The following PTPDC1 variants were observed in gnomAD, a reference collection of about 807,000 sequenced individuals.
PTPDC1 encodes protein tyrosine phosphatase domain-containing protein 1.
PTPDC1 carries 53 observed loss-of-function variants against 75.3 expected under a neutral mutation model. The ratio of observed to expected loss-of-function variants is 0.70; its 90% CI spans 0.56 to 0.88. The LOEUF (loss-of-function observed/expected upper bound fraction) is 0.88, where lower values mean the gene tolerates loss of function less well. Ranked by LOEUF, PTPDC1 falls within the 40% of genes least tolerant of loss-of-function variation. The pLI, the probability that PTPDC1 is intolerant of heterozygous loss-of-function variation, is 0.00. For synonymous variants in PTPDC1, 349 were observed against 366.2 expected (o/e 0.95, Z 0.54); for missense variants, 925 against 998.6 (o/e 0.93, Z 0.99).
At chr9:94,075,358 T>C (rs975029084) in intron 2 of PTPDC1, among the ~76,000 whole-genome samples, 1 of 152,242 alleles carries the variant, frequency 6.6e-6, no homozygotes, top group African/African-American at 2.4e-5. Flanking sequence ...ATTCCACTTC[T>C]GCAGAGCAGG....
In PTPDC1 at chr9:94,097,960, CACAG is replaced by C; in HGVS notation, c.1399_1402del (p.Thr467CysfsTer17). On this transcript the variant is annotated frameshift_variant, in exon 6 of 9. Coordinates refer to ENST00000620992, the MANE Select transcript of PTPDC1 (RefSeq NM_001253829.2). LOFTEE classifies it high-confidence loss of function. ...AACCTCCTGGAGCAAGGGGAGACTC[CACAG>C]ACAGTGCCTGCCCAGATCTTGGTTG... 6.2e-7 allele frequency: 1 copy of C among 1,614,178 alleles called. No homozygotes were observed. Among genetic ancestry groups the C allele is most frequent in the South Asian group, 1.1e-5 (1 of 91,076 alleles).
chr9:94,098,891 G>A (rs1365145259), intron 6 of PTPDC1, among the ~76,000 whole-genome samples: 2 of 152,222 alleles, frequency 1.3e-5, no homozygotes, highest in African/African-American at 4.8e-5. Context: ...ACAGCAGACA[G>A]CATTCGAAAC....
intron 1 of PTPDC1, among the ~76,000 whole-genome samples, chr9:94,045,766 T>G (rs1364502306): frequency 1.3e-5 from 2 of 151,908 alleles, no homozygotes; most frequent in African/African-American, 4.8e-5. Flanking sequence ...ATGAGTAGGT[T>G]GCAAAAATTT....
At chr9:94,043,237 A>G (rs373385639) in intron 1 of PTPDC1, among the ~76,000 whole-genome samples, 43 of 152,198 alleles carry the variant, frequency 2.8e-4, no homozygotes, top group East Asian at 2.3e-3. Context: ...TGCCACTTTG[A>G]TATTGCTAGT....
chr9:94,054,430 G>A (rs1178193723), intron 1 of PTPDC1, among the ~76,000 whole-genome samples: 1 of 152,146 alleles, frequency 6.6e-6, no homozygotes, highest in African/African-American at 2.4e-5. Flanking sequence ...ATTAATAAAT[G>A]TGCCTAAGAT....
Position 94,094,620 on chromosome 9 carries a change from C to A in PTPDC1, c.617-697C>A, listed in dbSNP as rs1002827277. Among the ~76,000 whole-genome samples the A allele has an allele frequency of 1.1e-3, 171 of 152,298 alleles. 1 individual carries two copies. Among genetic ancestry groups the A allele is most frequent in the South Asian group, 0.01 (49 of 4,832 alleles). ...TGGGCTCCACCCAGTTCGAGCTTCC[C>A]GGCTGCTTTGTTTACCTAAGCAAGC... On this transcript the variant is annotated intron_variant, in intron 4 of 8. Coordinates refer to ENST00000620992, the MANE Select transcript of PTPDC1 (RefSeq NM_001253829.2).
chr9:94,072,869 T>C (rs1418933941), intron 2 of PTPDC1, among the ~76,000 whole-genome samples: 1 of 152,192 alleles, frequency 6.6e-6, no homozygotes, highest in Non-Finnish European at 1.5e-5. Context: ...TATAATAAAT[T>C]TCATTTGGTA....
At chr9:94,050,632 T>A (rs1825760011) in intron 1 of PTPDC1, among the ~76,000 whole-genome samples, 1 of 152,038 alleles carries the variant, frequency 6.6e-6, no homozygotes, top group Non-Finnish European at 1.5e-5. Context: ...TACTGGGGGG[T>A]GCCTCCCAGT....
intron 1 of PTPDC1, among the ~76,000 whole-genome samples, chr9:94,054,750 A>G (rs945630774): frequency 1.3e-5 from 2 of 152,370 alleles, no homozygotes; most frequent in Admixed American, 1.3e-4. Flanking sequence ...GCTACATGCC[A>G]CATAATTAAG....
rs1203107468 is a variant in PTPDC1 at position 94,097,498 on chromosome 9, A to G, written c.932A>G (p.Lys311Arg). 2 of 1,614,082 alleles carry G rather than the reference A, an allele frequency of 1.2e-6. No homozygotes were observed. The highest frequency in any genetic ancestry group is 1.7e-6 in the Non-Finnish European group (2 of 1,179,956). ...LRNIFSCCDP[K>R]AHAVTLPQYL... is the part of the protein sequence containing the mutation. ...AATATATTCTCTTGCTGTGATCCCA[A>G]AGCACATGCTGTCACCTTACCTCAA... The change falls in exon 6 of 9, where the codon AAA becomes AGA. Residue 311 changes from lysine to arginine, a missense_variant. Lys to Arg is a conservative substitution (Grantham distance 26). Transcript: ENST00000620992.
intron 2 of PTPDC1, among the ~76,000 whole-genome samples, chr9:94,071,818 A>G (rs1826519749): frequency 6.6e-6 from 1 of 152,216 alleles, no homozygotes. Context: ...AAATTTGTAA[A>G]TCAATTTGAG....
intron 1 of PTPDC1, among the ~76,000 whole-genome samples, chr9:94,059,020 A>G (rs1826045468): frequency 6.6e-6 from 1 of 152,192 alleles, no homozygotes; most frequent in African/African-American, 2.4e-5. Flanking sequence ...AGGAAAGTCT[A>G]TATAAGAAAC....
rs1267177749 is a variant in PTPDC1, at chr9:94,085,435, G to A, written c.416+13G>A. The A allele has an allele frequency of 6.2e-7, 1 of 1,613,744 alleles. No individual in the cohort carries two copies. Among genetic ancestry groups the A allele is most frequent in the Non-Finnish European group, 8.5e-7 (1 of 1,179,848 alleles). On this transcript the variant is annotated intron_variant, in intron 2 of 8. Coordinates refer to ENST00000620992, the MANE Select transcript of PTPDC1 (RefSeq NM_001253829.2). ...TTTACTCATCCTGGTGAGTGATCCTGTTGGTCTTTCATAGCTCTGTTGGAT... is the reference window on the plus strand; with the variant it reads ...TTTACTCATCCTGGTGAGTGATCCTATTGGTCTTTCATAGCTCTGTTGGAT...
chr9:94,093,817 G>A lies in PTPDC1; in HGVS notation c.617-1500G>A, dbSNP rs1268228358. Among the ~76,000 whole-genome samples the A allele has an allele frequency of 1.6e-3, 237 of 145,570 alleles. 1 individual carries two copies. Among genetic ancestry groups the A allele is most frequent in the African/African-American group, 5.6e-3 (218 of 38,890 alleles). On this transcript the variant is annotated intron_variant, in intron 4 of 8. Transcript: ENST00000620992. The stretch of plus-strand genomic sequence containing the variant: ...CTTTTTTCTCTAAACTTCCCTTCTC[G>A]CTTCATTTCATTCATTTCATCTTCC...
At chr9:94,044,267 A>G (rs1198469955) in intron 1 of PTPDC1, among the ~76,000 whole-genome samples, 1 of 152,224 alleles carries the variant, frequency 6.6e-6, no homozygotes, top group South Asian at 2.1e-4. Context: ...TTACTGTGTT[A>G]TCTTTCAATC....
At chr9:94,033,197 G>T (rs549006721) in intron 1 of PTPDC1, among the ~76,000 whole-genome samples, 2 of 152,182 alleles carry the variant, frequency 1.3e-5, no homozygotes, top group South Asian at 4.2e-4. Flanking sequence ...CTGCCTCAAA[G>T]TCCAGACATT....
chr9:94,044,712 C>A (rs1445182003), intron 1 of PTPDC1, among the ~76,000 whole-genome samples: 2 of 139,608 alleles, frequency 1.4e-5, no homozygotes, highest in African/African-American at 5.7e-5. Context: ...TCTTTCCAAT[C>A]TGCATACCTT....
intron 2 of PTPDC1, among the ~76,000 whole-genome samples, chr9:94,077,409 A>T (rs539948495): frequency 6.6e-6 from 1 of 152,308 alleles, no homozygotes; most frequent in Non-Finnish European, 1.5e-5. Context: ...TGCCAGTCAC[A>T]AGCCCCAGCT....
At chr9:94,092,276 A>G (rs1184469844) in intron 4 of PTPDC1, among the ~76,000 whole-genome samples, 9 of 142,468 alleles carry the variant, frequency 6.3e-5, no homozygotes, top group Admixed American at 2.8e-4. Context: ...AGATTCTGGT[A>G]TGTTGTGTCT....
Sources: allele counts gnomAD v4.1 joint callset (sites outside exome capture counted in the v4.1 genomes callset), GRCh38; gene constraint gnomAD v4.1.1; transcripts MANE v1.5; gene names NCBI Gene and HGNC (gene_info 2026-07-23, HGNC 2026-07-21).